The following UBE2G1 variants were observed in gnomAD, a reference collection of about 807,000 sequenced individuals.
UBE2G1 encodes the protein ubiquitin-conjugating enzyme E2 G1.
UBE2G1 carries 5 observed loss-of-function variants against 22.7 expected under a neutral mutation model. The observed-to-expected ratio is 0.22, with a 90% CI of 0.12 to 0.46. The LOEUF (loss-of-function observed/expected upper bound fraction) is 0.46. UBE2G1 is among the 20% of genes least tolerant of loss of function. The pLI is 0.99. For missense variants in UBE2G1, 88 were observed against 203.9 expected (o/e 0.43, Z 3.46); for synonymous variants, 74 against 67.5 (o/e 1.10, Z -0.47).
At chr17:4,308,984 C>A (rs550896461) in intron 1 of UBE2G1, among the ~76,000 whole-genome samples, 1 of 152,260 alleles carries the variant, frequency 6.6e-6, no homozygotes, top group East Asian at 1.9e-4. Context: ...TTAGGCAGGG[C>A]GTGGTGGCTC....
intron 1 of UBE2G1, among the ~76,000 whole-genome samples, chr17:4,323,087 GA>G (rs1474425142): frequency 6.6e-6 from 1 of 152,180 alleles, no homozygotes. Context: ...TTCCCCCAAT[GA>G]ATTGCAGAAA....
Position 4,329,797 on chromosome 17 carries a change from C to T in UBE2G1, c.47-22674G>A, listed in dbSNP as rs935397754. Among the ~76,000 whole-genome samples the T allele has an allele frequency of 2.0e-5, 3 of 149,282 alleles. No homozygotes were observed. The Admixed American group carries it at 2.0e-4, about 10-fold the overall frequency. ...ACTTTTTCTTACTATCCTGACTAGT[C>T]CATTGCCATTAGGCTTTTTTAAAGG... On this transcript the variant is annotated intron_variant, in intron 1 of 5. Coordinates refer to ENST00000396981, the MANE Select transcript of UBE2G1 (RefSeq NM_003342.5).
intron 1 of UBE2G1, among the ~76,000 whole-genome samples, chr17:4,348,883 A>AAATT (rs1389865188): frequency 6.6e-6 from 1 of 151,312 alleles, no homozygotes; most frequent in South Asian, 2.1e-4. Context: ...ATAAAAATAA[A>AAATT]AATTAATTAA....
chr17:4,279,792 T>TA (rs1211710483), intron 5 of UBE2G1, among the ~76,000 whole-genome samples: 1 of 3,570 alleles, frequency 2.8e-4, no homozygotes, highest in African/African-American at 4.2e-4. Flanking sequence ...AAGTTATATA[T>TA]ATATATATAT....
intron 5 of UBE2G1, among the ~76,000 whole-genome samples, chr17:4,274,927 T>TGTATTCCCAGCTACTCGAGAGGCTGAG (rs61291097): frequency 6.6e-6 from 1 of 151,810 alleles, no homozygotes. Context: ...GGCACATGCC[T>TGTATTCCCAGCTACTCGAGAGGCTGAG]GTGGGAGGAC....
chr17:4,274,415 T>C (rs891979200), intron 5 of UBE2G1, among the ~76,000 whole-genome samples: 1 of 152,096 alleles, frequency 6.6e-6, no homozygotes, highest in Non-Finnish European at 1.5e-5. Context: ...GCCAGGATGG[T>C]CTCGATCTTC....
intron 1 of UBE2G1, among the ~76,000 whole-genome samples, chr17:4,365,357 G>A (rs1473274178): frequency 6.6e-6 from 1 of 152,220 alleles, no homozygotes; most frequent in East Asian, 1.9e-4. Context: ...CACTGCGCAT[G>A]CTCCGCGCAC....
chr17:4,360,232 A>G (rs1278805052), intron 1 of UBE2G1, among the ~76,000 whole-genome samples: 1 of 152,204 alleles, frequency 6.6e-6, no homozygotes, highest in Non-Finnish European at 1.5e-5. Flanking sequence ...AAATTCTAAC[A>G]AAAATTTAAA....
chr17:4,363,702 C>T (rs894469693), intron 1 of UBE2G1, among the ~76,000 whole-genome samples: 4 of 152,024 alleles, frequency 2.6e-5, no homozygotes. Context: ...TCTGTAATCC[C>T]AGCACTTTGG....
At chr17:4,289,125 AC>A in intron 4 of UBE2G1, 104 bp downstream of exon 4, 1 of 877,536 alleles carries the variant, frequency 1.1e-6, no homozygotes. Context: ...ACACACACAC[AC>A]ACACGCATGC....
chr17:4,364,293 C>CTTA (rs201428405), intron 1 of UBE2G1: 1 of 120,746 alleles, frequency 8.3e-6, no homozygotes, highest in Non-Finnish European at 1.8e-5. Context: ...CAATAAAGTT[C>CTTA]TTTTTTTTTT....
rs1037516384 is a variant in UBE2G1, at chr17:4,270,903, G to C, written c.*1651C>G. The C allele has an allele frequency of 6.6e-6, 1 of 152,128 alleles. No homozygotes were observed. The highest frequency in any genetic ancestry group is 1.5e-5 in the Non-Finnish European group (1 of 68,018). 9.4% of individuals were successfully genotyped at this position (152,128 alleles called of 1,614,324 possible). ...TTGTAGAGGTCTGGGCTCTTGGCAG[G>C]AGTTCTTTCACTCTTCTGCCAAAGC... On this transcript the variant is annotated 3_prime_UTR_variant, in exon 6 of 6. Coordinates refer to ENST00000396981, the MANE Select transcript of UBE2G1 (RefSeq NM_003342.5).
chr17:4,330,191 C>T (rs1969555718), intron 1 of UBE2G1, among the ~76,000 whole-genome samples: 1 of 152,128 alleles, frequency 6.6e-6, no homozygotes, highest in Admixed American at 6.5e-5. Context: ...TAGTATGGGG[C>T]AACAGGAGAC....
intron 5 of UBE2G1, among the ~76,000 whole-genome samples, chr17:4,279,350 T>C (rs907000791): frequency 1.3e-5 from 2 of 150,470 alleles, no homozygotes; most frequent in Non-Finnish European, 2.9e-5. Flanking sequence ...TTGTAGAACA[T>C]AACAGGCACT....
At chr17:4,348,883 AAATT>A (rs1389865188) in intron 1 of UBE2G1, among the ~76,000 whole-genome samples, 1 of 151,312 alleles carries the variant, frequency 6.6e-6, no homozygotes, top group Non-Finnish European at 1.5e-5. Context: ...ATAAAAATAA[AAATT>A]AATTAATTAA....
intron 2 of UBE2G1, among the ~76,000 whole-genome samples, chr17:4,306,017 T>C (rs1194969840): frequency 6.6e-6 from 1 of 152,234 alleles, no homozygotes; most frequent in African/African-American, 2.4e-5. Context: ...TTGTCTATCC[T>C]TAAGCCATTG....
intron 1 of UBE2G1, among the ~76,000 whole-genome samples, chr17:4,347,094 A>G (rs1318021949): frequency 2.0e-5 from 3 of 152,078 alleles, no homozygotes; most frequent in Non-Finnish European, 4.4e-5. Flanking sequence ...CGGAGGTTGC[A>G]GTGAGCCAAG....
chr17:4,291,459 C>T (rs1357680406), intron 3 of UBE2G1, among the ~76,000 whole-genome samples: 1 of 150,814 alleles, frequency 6.6e-6, no homozygotes, highest in Non-Finnish European at 1.5e-5. Flanking sequence ...GTTTTCTGTA[C>T]TTACTGTGTA....
chr17:4,308,957 A>G (rs570933288), intron 1 of UBE2G1, among the ~76,000 whole-genome samples: 31 of 152,294 alleles, frequency 2.0e-4, no homozygotes, highest in African/African-American at 7.5e-4. Flanking sequence ...GAGAAAGCCA[A>G]TAGTGAAAAT....
Sources: gnomAD v4.1 joint callset for allele counts (sites outside exome capture counted in the v4.1 genomes callset) on GRCh38, gnomAD v4.1.1 for gene constraint, MANE v1.5 for transcripts, NCBI Gene and HGNC (gene_info 2026-07-23, HGNC 2026-07-21) for gene names.